Variants in PMEL observed in about 807,000 individuals in gnomAD.
The protein encoded by PMEL is premelanosome protein, also known as melanocyte protein PMEL.
In PMEL, 53 loss-of-function variants were observed where a neutral mutation model predicts 64.9. That is an observed-to-expected ratio of 0.82 (90% CI 0.66 to 1.03). PMEL has a LOEUF of 1.03. Among genes scored for constraint, PMEL ranks in the 50% least tolerant of loss-of-function variants. The pLI is 0.00. For missense variants in PMEL, 716 were observed against 814.9 expected (o/e 0.88, Z 1.48); for synonymous variants, 299 against 316.2 (o/e 0.95, Z 0.58).
chr12:55,961,309 G>C lies in PMEL; in HGVS notation c.334+8C>G, dbSNP rs1471368662. On this transcript the variant is annotated splice_region_variant and intron_variant, in intron 3 of 10. Transcript: ENST00000548747. Reference sequence around the variant, plus strand: ...AGGAATAAGGACCTAGAATAGAGAAGTACTCACCATTGATGATGGTATTGT... The same window carrying C: ...AGGAATAAGGACCTAGAATAGAGAACTACTCACCATTGATGATGGTATTGT... 1 of 1,613,108 alleles carries C rather than the reference G, an allele frequency of 6.2e-7. No individual in the cohort carries two copies. Among genetic ancestry groups the C allele is most frequent in the Non-Finnish European group, 8.5e-7 (1 of 1,179,228 alleles).
rs765133795 is a variant in PMEL, at chr12:55,955,745, CAA to C, written c.1556+32_1556+33del. ...GCCAGAGAGCGGAGAAACAGTCAAC[CAA>C]AGAGTTACCAGCACACTAGTGAGAC... On this transcript the variant is annotated intron_variant, in intron 8 of 10. Transcript: ENST00000548747. 2.1e-5 allele frequency: 33 copies of C among 1,609,250 alleles called. 1 individual carries two copies. In the Admixed American group the frequency reaches 5.5e-4, roughly 27 times the overall value.
At chr12:55,963,421 T>C (rs549757114) in intron 1 of PMEL, among the ~76,000 whole-genome samples, 1 of 152,354 alleles carries the variant, frequency 6.6e-6, no homozygotes, top group Non-Finnish European at 1.5e-5. Context: ...TTTGTTTTTG[T>C]TTTGGCTAAA....
intron 5 of PMEL, 124 bp from the exon 6 acceptor site, chr12:55,957,795 T>C: frequency 2.0e-6 from 3 of 1,509,706 alleles, no homozygotes; most frequent in Non-Finnish European, 2.7e-6. Context: ...CACATTTCTC[T>C]GCCTAGGTCT....
chr12:55,958,737 A>C (rs192469585), intron 3 of PMEL, 130 bp from the exon 4 acceptor site: 2 of 923,298 alleles, frequency 2.2e-6, no homozygotes, highest in Non-Finnish European at 3.2e-6. Flanking sequence ...TACATTCTCC[A>C]TGATATAACC....
At chr12:55,961,778 T>G (rs772878391) in intron 1 of PMEL, 46 bp from the exon 2 acceptor site, 1 of 1,179,260 alleles carries the variant, frequency 8.5e-7, no homozygotes, top group Non-Finnish European at 1.3e-6. Flanking sequence ...TTTCAGTTCC[T>G]TCTCAGGGAT....
intron 6 of PMEL, chr12:55,956,574 G>C (rs958958228): frequency 9.5e-6 from 3 of 315,112 alleles, no homozygotes; most frequent in Non-Finnish European, 1.8e-5. Flanking sequence ...GGGAATCCAG[G>C]GTTGGGAAAT....
rs570987016 is a variant in PMEL, at chr12:55,956,371, A to G, written c.1355-152T>C. 3.0e-3 allele frequency: 1,798 copies of G among 590,086 alleles called. 8 individuals are homozygous for G. Among genetic ancestry groups the G allele is most frequent in the Admixed American group, 6.6e-3 (224 of 33,954 alleles). 36.6% of individuals were successfully genotyped at this position (590,086 alleles called of 1,614,324 possible). ...GATAAGACCTGGGAAACCTTATTCTATAGATAAGGAAACTGAGGCCCAGAA... is the reference window on the plus strand; with the variant it reads ...GATAAGACCTGGGAAACCTTATTCTGTAGATAAGGAAACTGAGGCCCAGAA... On this transcript the variant is annotated intron_variant, in intron 6 of 10. Coordinates refer to ENST00000548747, the MANE Select transcript of PMEL (RefSeq NM_001384361.1).
chr12:55,963,198 T>C (rs2136449490), intron 1 of PMEL, among the ~76,000 whole-genome samples: 1 of 151,942 alleles, frequency 6.6e-6, no homozygotes, highest in East Asian at 1.9e-4. Context: ...ATCAAATTTG[T>C]GTTTTAGAAA....
At position 55,955,878 on chromosome 12, in the gene PMEL, G is replaced by T. The variant is rs773328472; in HGVS notation, c.1472-15C>A. On this transcript the variant is annotated splice_polypyrimidine_tract_variant and intron_variant, in intron 7 of 10. Coordinates refer to ENST00000548747, the MANE Select transcript of PMEL (RefSeq NM_001384361.1). ...TTCAATACCCTCTGCAGAGTTGCAAGCTTATCAAATTAGGATTCCTCTACC... is the reference window on the plus strand; with the variant it reads ...TTCAATACCCTCTGCAGAGTTGCAATCTTATCAAATTAGGATTCCTCTACC... The T allele has an allele frequency of 6.2e-6, 10 of 1,611,198 alleles. No individual in the cohort carries two copies. Among genetic ancestry groups the T allele is most frequent in the Non-Finnish European group, 8.5e-6 (10 of 1,177,464 alleles).
intron 1 of PMEL, 82 bp downstream of exon 1, chr12:55,965,854 T>C: frequency 6.5e-7 from 1 of 1,537,214 alleles, no homozygotes; most frequent in Non-Finnish European, 9.0e-7. Flanking sequence ...TGCCGCTATC[T>C]CCCATTAGGA....
intron 3 of PMEL, among the ~76,000 whole-genome samples, chr12:55,961,009 C>A (rs892406592): frequency 2.7e-5 from 4 of 150,788 alleles, no homozygotes; most frequent in African/African-American, 9.7e-5. Flanking sequence ...GGAGACTATA[C>A]TGGCTAACAC....
At chr12:55,956,459 A>C in intron 6 of PMEL, 1 of 465,954 alleles carries the variant, frequency 2.1e-6, no homozygotes. Context: ...AAAATCCTCA[A>C]ATGTTTATCA....
In PMEL at chr12:55,958,624, G is replaced by C. The variant is rs562029456; in HGVS notation, c.335-17C>G. 6.2e-7 allele frequency: 1 copy of C among 1,610,744 alleles called. No individual in the cohort carries two copies. The highest frequency in any genetic ancestry group is 1.7e-5 in the Admixed American group (1 of 59,184). On this transcript the variant is annotated splice_polypyrimidine_tract_variant and intron_variant, in intron 3 of 10. Coordinates refer to ENST00000548747, the MANE Select transcript of PMEL (RefSeq NM_001384361.1). ...CCTGGCTCCCTGAAAGATAAATACA[G>C]AGTCACTCTCAAACCCTGGCATTCT...
At position 55,955,505 on chromosome 12, in the gene PMEL, G is replaced by A; in HGVS notation, c.1721C>T (p.Thr574Ile). Reference protein sequence around the residue: ...TYCLNVSLADTNSLAVVSTQL... With the variant: ...TYCLNVSLADINSLAVVSTQL... The stretch of plus-strand genomic sequence containing the variant: ...GGTGCTGACCACTGCCAGGCTGTTG[G>A]TATCAGCCAGAGACACATTGAGGCA... The change falls in exon 9 of 11, where the codon ACC (threonine) becomes ATC (isoleucine). Residue 574 changes from threonine to isoleucine, a missense_variant. Thr to Ile is a moderately conservative substitution (Grantham distance 89). Coordinates refer to ENST00000548747, the MANE Select transcript of PMEL (RefSeq NM_001384361.1). The A allele has an allele frequency of 1.2e-6, 2 of 1,614,088 alleles. No homozygotes were observed. Among genetic ancestry groups the A allele is most frequent in the Non-Finnish European group, 1.7e-6 (2 of 1,179,974 alleles).
rs575487425 is a variant in PMEL, at chr12:55,965,427, G to A, written c.76+509C>T. ...CACCCCCGCCCCTTGCTCCTGTCACGAGGCCCAATCCCCCAGAGCCCTTTC... is the reference window on the plus strand; with the variant it reads ...CACCCCCGCCCCTTGCTCCTGTCACAAGGCCCAATCCCCCAGAGCCCTTTC... On this transcript the variant is annotated intron_variant, in intron 1 of 10. Coordinates refer to ENST00000548747, the MANE Select transcript of PMEL (RefSeq NM_001384361.1). Among the ~76,000 whole-genome samples, 199 of 85,014 alleles carry A rather than the reference G, an allele frequency of 2.3e-3. 1 individual carries two copies. Among genetic ancestry groups the A allele is most frequent in the Non-Finnish European group, 2.9e-3 (132 of 45,868 alleles). The allele number at this position is 85,014 out of a possible 152,430, so 55.8% of individuals were successfully genotyped here.
chr12:55,958,673 A>G, intron 3 of PMEL, 66 bp from the exon 4 acceptor site: 1 of 1,534,324 alleles, frequency 6.5e-7, no homozygotes, highest in South Asian at 1.2e-5. Flanking sequence ...AAACCCCTAA[A>G]ATTGCTCCCA....
At chr12:55,958,709 T>C in intron 3 of PMEL, 102 bp from the exon 4 acceptor site, 3 of 1,180,380 alleles carry the variant, frequency 2.5e-6, no homozygotes, top group Non-Finnish European at 3.6e-6. Context: ...GCTCTGGGAA[T>C]ATTCCCTAGC....
chr12:55,964,197 G>A (rs977237263), intron 1 of PMEL, among the ~76,000 whole-genome samples: 2 of 147,838 alleles, frequency 1.4e-5, no homozygotes, highest in African/African-American at 2.5e-5. Context: ...TTGTTGCCCA[G>A]GCTGGAAGGC....
At chr12:55,961,873 G>A in intron 1 of PMEL, 141 bp from the exon 2 acceptor site, 2 of 571,050 alleles carry the variant, frequency 3.5e-6, no homozygotes, top group South Asian at 4.1e-5. Context: ...TTTCGCTCTT[G>A]TTGCCCAGGC....
Sources: gnomAD v4.1 joint callset for allele counts (sites outside exome capture counted in the v4.1 genomes callset) on GRCh38, gnomAD v4.1.1 for gene constraint, MANE v1.5 for transcripts, NCBI Gene and HGNC (gene_info 2026-07-23, HGNC 2026-07-21) for gene names.